Variants in TEAD1 observed in about 807,000 individuals in gnomAD.
TEAD1 encodes the protein transcriptional enhancer factor TEF-1.
In TEAD1, 9 loss-of-function variants were observed where a neutral mutation model predicts 54.9. The ratio of observed to expected loss-of-function variants is 0.16; its 90% CI spans 0.10 to 0.29. The LOEUF (loss-of-function observed/expected upper bound fraction) is 0.29, where lower values mean the gene tolerates loss of function less well. Ranked by LOEUF, TEAD1 falls within the 10% of genes least tolerant of loss-of-function variation. The pLI, the probability that TEAD1 is intolerant of heterozygous loss-of-function variation, is 1.00. For missense variants in TEAD1, 387 were observed against 535.9 expected (o/e 0.72, Z 2.74); for synonymous variants, 200 against 187.8 (o/e 1.07, Z -0.53).
chr11:12,772,816 C>T (rs549695282), intron 3 of TEAD1, among the ~76,000 whole-genome samples: 5 of 152,180 alleles, frequency 3.3e-5, no homozygotes, highest in African/African-American at 1.2e-4. Flanking sequence ...TTTACTTGAA[C>T]TCGTTTGTGT....
chr11:12,863,497 A>G (rs1947550560), intron 4 of TEAD1, among the ~76,000 whole-genome samples: 1 of 152,066 alleles, frequency 6.6e-6, no homozygotes, highest in African/African-American at 2.4e-5. Flanking sequence ...ACCAAAGCAA[A>G]TTGGAAAAAA....
intron 3 of TEAD1, among the ~76,000 whole-genome samples, chr11:12,768,888 G>T (rs1330982749): frequency 6.6e-6 from 1 of 152,170 alleles, no homozygotes; most frequent in Non-Finnish European, 1.5e-5. Context: ...TTAGCCTTTT[G>T]AAGCCTATTC....
rs1944488044 is a variant in TEAD1, at chr11:12,734,533, C to G, written c.-54-29646C>G. Among the ~76,000 whole-genome samples the G allele has an allele frequency of 2.0e-5, 3 of 152,318 alleles. No homozygotes were observed. The East Asian group carries it at 5.8e-4, about 29-fold the overall frequency. On this transcript the variant is annotated intron_variant, in intron 2 of 12. Transcript: ENST00000527636. Reference sequence around the variant, plus strand: ...ACTCACCACTCACTCATTGACTCGCCCAGAGCAACTTCCAGTTCTGCAAGC... The same window carrying G: ...ACTCACCACTCACTCATTGACTCGCGCAGAGCAACTTCCAGTTCTGCAAGC...
intron 2 of TEAD1, among the ~76,000 whole-genome samples, chr11:12,716,623 A>G (rs1032848570): frequency 6.6e-6 from 1 of 152,190 alleles, no homozygotes; most frequent in Non-Finnish European, 1.5e-5. Flanking sequence ...ACCACCTCTC[A>G]GCTCTGCTGT....
intron 2 of TEAD1, among the ~76,000 whole-genome samples, chr11:12,703,390 G>A (rs1943743937): frequency 6.6e-6 from 1 of 152,160 alleles, no homozygotes; most frequent in African/African-American, 2.4e-5. Context: ...CATAACACTG[G>A]TTGGTTGTGA....
At chr11:12,838,657 C>T (rs1472016163) in intron 3 of TEAD1, among the ~76,000 whole-genome samples, 1 of 152,178 alleles carries the variant, frequency 6.6e-6, no homozygotes. Flanking sequence ...AGTAAACCCA[C>T]AAGTGTTGTG....
chr11:12,844,410 T>G (rs1866702), intron 3 of TEAD1, among the ~76,000 whole-genome samples: 5,306 of 152,218 alleles, frequency 0.035, 343 homozygotes, highest in African/African-American at 0.12. Flanking sequence ...CCCCTTTTTA[T>G]GTTTGAGGGG....
At position 12,859,237 on chromosome 11, in the gene TEAD1, AAGTT is replaced by A. The variant is rs200322664; in HGVS notation, c.203-3009_203-3006del. On this transcript the variant is annotated intron_variant, in intron 3 of 12. Coordinates refer to ENST00000527636, the MANE Select transcript of TEAD1 (RefSeq NM_021961.6). ...AACTCCAAGTGCTGCAAGAAATTAA[AAGTT>A]AGTCAGGTTATGTGTCACATCTATC... Among the ~76,000 whole-genome samples, 1,314 of 152,332 alleles carry A rather than the reference AAGTT, an allele frequency of 8.6e-3. 20 individuals carry two copies. Among genetic ancestry groups the A allele is most frequent in the African/African-American group, 0.03 (1,252 of 41,582 alleles).
chr11:12,912,804 G>T (rs1029542008), intron 10 of TEAD1, among the ~76,000 whole-genome samples: 3 of 152,078 alleles, frequency 2.0e-5, no homozygotes, highest in Admixed American at 2.0e-4. Context: ...AGAATCTCTT[G>T]CATTGGGAGT....
intron 9 of TEAD1, among the ~76,000 whole-genome samples, chr11:12,892,669 A>G (rs1166622623): frequency 2.0e-5 from 3 of 151,788 alleles, no homozygotes; most frequent in Admixed American, 6.5e-5. Flanking sequence ...AAAAATAAAA[A>G]AGAAGCAGCA....
chr11:12,904,832 C>T (rs982846800), intron 10 of TEAD1: 28 of 346,924 alleles, frequency 8.1e-5, no homozygotes, highest in African/African-American at 4.5e-4. Context: ...TTTGCAGTAT[C>T]GTACATGATC....
At chr11:12,809,128 C>T (rs1037479150) in intron 3 of TEAD1, among the ~76,000 whole-genome samples, 2 of 152,176 alleles carry the variant, frequency 1.3e-5, no homozygotes, top group African/African-American at 2.4e-5. Flanking sequence ...AGAGTTAAGC[C>T]TTTCCCTGCA....
At chr11:12,855,698 C>A (rs7102042) in intron 3 of TEAD1, among the ~76,000 whole-genome samples, 1 of 151,414 alleles carries the variant, frequency 6.6e-6, no homozygotes, top group Admixed American at 6.6e-5. Context: ...AATCCCAGCA[C>A]TTTGGGAGGC....
intron 3 of TEAD1, among the ~76,000 whole-genome samples, chr11:12,785,469 T>A (rs1945659027): frequency 6.6e-6 from 1 of 152,198 alleles, no homozygotes; most frequent in African/African-American, 2.4e-5. Flanking sequence ...TCATTTAATG[T>A]TCAGACTACG....
At chr11:12,902,276 C>T (rs1948438292) in intron 10 of TEAD1, among the ~76,000 whole-genome samples, 163 bp downstream of exon 10, 1 of 152,246 alleles carries the variant, frequency 6.6e-6, no homozygotes, top group African/African-American at 2.4e-5. Context: ...GTGAACTGTC[C>T]TCATGCCGGC....
chr11:12,726,895 TGTTGA>T (rs1944324341), intron 2 of TEAD1, among the ~76,000 whole-genome samples: 1 of 152,346 alleles, frequency 6.6e-6, no homozygotes, highest in South Asian at 2.1e-4. Flanking sequence ...TTTTTGGATG[TGTTGA>T]GTTAATAAGT....
At chr11:12,759,500 A>G (rs1409125928) in intron 2 of TEAD1, among the ~76,000 whole-genome samples, 1 of 152,142 alleles carries the variant, frequency 6.6e-6, no homozygotes, top group African/African-American at 2.4e-5. Flanking sequence ...TCAGGAATAA[A>G]GGATCTTTCA....
At chr11:12,803,236 T>G (rs1284644271) in intron 3 of TEAD1, among the ~76,000 whole-genome samples, 1 of 152,094 alleles carries the variant, frequency 6.6e-6, no homozygotes. Context: ...TTTCCATGAT[T>G]AGTCATCTTG....
intron 3 of TEAD1, among the ~76,000 whole-genome samples, chr11:12,813,939 T>G (rs1306121075): frequency 6.6e-6 from 1 of 151,998 alleles, no homozygotes; most frequent in African/African-American, 2.4e-5. Context: ...TTGGACATGG[T>G]TGGGAGGTGC....
Sources: allele counts gnomAD v4.1 joint callset (sites outside exome capture counted in the v4.1 genomes callset), GRCh38; gene constraint gnomAD v4.1.1; transcripts MANE v1.5; gene names NCBI Gene and HGNC (gene_info 2026-07-23, HGNC 2026-07-21).